CELF2: variants seen among roughly 807,000 people sequenced by gnomAD.
CELF2 encodes the protein CUG triplet repeat RNA-binding protein 2.
CELF2 carries 8 observed loss-of-function variants against 62.6 expected under a neutral mutation model. The observed-to-expected ratio is 0.13, with a 90% CI of 0.07 to 0.23. CELF2 has a LOEUF of 0.23. Ranked by LOEUF, CELF2 falls within the 10% of genes least tolerant of loss-of-function variation. The pLI is 1.00. For missense variants in CELF2, 333 were observed against 671.0 expected (o/e 0.50, Z 5.56); for synonymous variants, 258 against 250.0 (o/e 1.03, Z -0.30).
intron 2 of CELF2, among the ~76,000 whole-genome samples, chr10:10,962,393 T>C (rs915020441): frequency 2.6e-5 from 4 of 152,204 alleles, no homozygotes; most frequent in Non-Finnish European, 5.9e-5. Context: ...GGGGCTTTTG[T>C]GCTTGAAGTA....
intron 9 of CELF2, among the ~76,000 whole-genome samples, chr10:11,303,061 G>C (rs573516919): frequency 6.6e-6 from 1 of 152,186 alleles, no homozygotes; most frequent in African/African-American, 2.4e-5. Flanking sequence ...ACAGGGACTC[G>C]AGTGCCTCAG....
the CELF2 span, among the ~76,000 whole-genome samples, chr10:10,672,412 AT>A: frequency 6.7e-6 from 1 of 148,964 alleles, no homozygotes; most frequent in Non-Finnish European, 1.5e-5. Flanking sequence ...GAGTTTTATA[AT>A]TTTGCATTTT....
rs555591692 is a variant in CELF2 at position 11,315,906 on chromosome 10, G to A, written c.1096+1648G>A. Among the ~76,000 whole-genome samples, 5 of 152,334 alleles carry A rather than the reference G, an allele frequency of 3.3e-5. No individual in the cohort carries two copies. The South Asian group carries it at 1.0e-3, about 32-fold the overall frequency. The stretch of plus-strand genomic sequence containing the variant: ...CAGGACCTAGTTCCCCTAAAACAAG[G>A]ACTTTGATTTGACCGCCTGCCTGTC... On this transcript the variant is annotated intron_variant, in intron 10 of 12. Coordinates refer to ENST00000633077, the MANE Select transcript of CELF2 (RefSeq NM_001326342.2). The surrounding 1 kb of genome is among the most constrained non-coding windows in gnomAD (Gnocchi z 5.8).
rs563079698 is a variant in CELF2, at chr10:10,831,375, T to G, written c.53+32558T>G. Among the ~76,000 whole-genome samples the G allele has an allele frequency of 1.5e-3, 234 of 152,350 alleles. No individual in the cohort carries two copies. The South Asian group carries it at 0.018, about 12-fold the overall frequency. On this transcript the variant is annotated intron_variant, in intron 1 of 13. Coordinates refer to the CELF2 transcript ENST00000636488. The stretch of plus-strand genomic sequence containing the variant: ...CAAGGTTTCCGAAGCCACGCTGCCC[T>G]TCCTACATCAGGCAGTTGGCACAGA...
chr10:10,671,674 T>C, the CELF2 span, among the ~76,000 whole-genome samples: 1 of 152,132 alleles, frequency 6.6e-6, no homozygotes, highest in Non-Finnish European at 1.5e-5. Flanking sequence ...TTTATGTTTT[T>C]CTGATGACTT....
the CELF2 span, among the ~76,000 whole-genome samples, chr10:10,769,764 CA>C: frequency 6.6e-6 from 1 of 151,014 alleles, no homozygotes; most frequent in Non-Finnish European, 1.5e-5. Flanking sequence ...ACTCCAACTC[CA>C]AAAAATAATA....
At chr10:11,047,116 C>T (rs1290082601) in intron 1 of CELF2, among the ~76,000 whole-genome samples, 1 of 152,086 alleles carries the variant, frequency 6.6e-6, no homozygotes, top group Non-Finnish European at 1.5e-5. Context: ...TGTTTTCCTT[C>T]ATGAAAACAG....
intron 1 of CELF2, among the ~76,000 whole-genome samples, chr10:11,073,307 G>A (rs1407654283): frequency 1.3e-5 from 2 of 152,082 alleles, no homozygotes; most frequent in East Asian, 3.9e-4. Context: ...TATTTTGGTG[G>A]CACTTAAGCC....
intron 1 of CELF2, among the ~76,000 whole-genome samples, chr10:11,141,492 A>G (rs535113110): frequency 1.2e-3 from 178 of 152,360 alleles, no homozygotes; most frequent in Non-Finnish European, 1.7e-3. Context: ...AGGAACTGTA[A>G]AAGATTTTAA....
chr10:11,118,562 G>A (rs1228602600), intron 1 of CELF2, among the ~76,000 whole-genome samples: 1 of 152,152 alleles, frequency 6.6e-6, no homozygotes, highest in East Asian at 1.9e-4. Flanking sequence ...CCATTTTGTA[G>A]AGAGAAGAAC....
At chr10:11,001,625 C>G (rs2054524380), upstream of CELF2, among the ~76,000 whole-genome samples, 2 of 152,246 alleles carry the variant, frequency 1.3e-5, no homozygotes, top group Admixed American at 1.3e-4. Context: ...TAGCTCACTG[C>G]CAATATTCTC....
the CELF2 span, among the ~76,000 whole-genome samples, chr10:10,680,006 T>C: frequency 6.6e-6 from 1 of 152,164 alleles, no homozygotes; most frequent in Non-Finnish European, 1.5e-5. Context: ...AATGTATATT[T>C]ACGGGTTAAA....
At chr10:10,708,889 A>T in the CELF2 span, among the ~76,000 whole-genome samples, 2 of 152,168 alleles carry the variant, frequency 1.3e-5, no homozygotes, top group African/African-American at 4.8e-5. Flanking sequence ...CGCACACCGT[A>T]TAGGAACATG....
At chr10:11,202,459 C>A (rs1272794382) in intron 2 of CELF2, among the ~76,000 whole-genome samples, 1 of 152,170 alleles carries the variant, frequency 6.6e-6, no homozygotes, top group African/African-American at 2.4e-5. Flanking sequence ...GTGGGGTGAG[C>A]TTTTCGTAGC....
chr10:11,216,754 G>C (rs2063466076), intron 2 of CELF2, among the ~76,000 whole-genome samples: 1 of 152,204 alleles, frequency 6.6e-6, no homozygotes, highest in African/African-American at 2.4e-5. Context: ...AATGTTGCCA[G>C]TTAGTATGCC....
chr10:11,019,555 C>T (rs1016152211), intron 1 of CELF2, among the ~76,000 whole-genome samples: 5 of 151,848 alleles, frequency 3.3e-5, no homozygotes, highest in Non-Finnish European at 7.4e-5. Flanking sequence ...AGAAACTCTG[C>T]AGTGGCCAAT....
the CELF2 span, among the ~76,000 whole-genome samples, chr10:10,715,400 C>T: frequency 6.6e-6 from 1 of 152,164 alleles, no homozygotes; most frequent in Non-Finnish European, 1.5e-5. Context: ...GTTTAGCATT[C>T]AGTATATCCT....
At chr10:10,559,208 T>C in the CELF2 span, among the ~76,000 whole-genome samples, 1 of 152,206 alleles carries the variant, frequency 6.6e-6, no homozygotes, top group East Asian at 1.9e-4. Flanking sequence ...ATCTCCTTCC[T>C]TCATCAGTAT....
At chr10:10,805,342 T>C (rs1478616830) in intron 1 of CELF2, among the ~76,000 whole-genome samples, 1 of 152,244 alleles carries the variant, frequency 6.6e-6, no homozygotes, top group African/African-American at 2.4e-5. Context: ...TTGACAAGCA[T>C]GGCAAAGTGT....
Sources: gnomAD v4.1 joint callset for allele counts (sites outside exome capture counted in the v4.1 genomes callset) on GRCh38, gnomAD v4.1.1 for gene constraint, Gnocchi (gnomAD v3.1) non-coding constraint, MANE v1.5 for transcripts, NCBI Gene and HGNC (gene_info 2026-07-23, HGNC 2026-07-21) for gene names.